Variants in B3GALT1 observed in about 807,000 individuals in gnomAD.
The protein encoded by B3GALT1 is beta-1,3-galactosyltransferase 1.
Under a neutral mutation model 23.2 loss-of-function variants are expected in B3GALT1, and 10 were observed. That is an observed-to-expected ratio of 0.43 (90% confidence interval 0.27 to 0.73). The LOEUF is 0.73. B3GALT1 is among the 30% of genes least tolerant of loss of function. B3GALT1 has a pLI of 0.21. For synonymous variants in B3GALT1, 156 were observed against 141.5 expected, an observed-to-expected ratio of 1.10 and a Z score of -0.73; for missense variants, 299 against 405.4, an observed-to-expected ratio of 0.74 and a Z score of 2.25.
At position 167,351,955 on chromosome 2, in the gene B3GALT1, ATTTTTTTTT is replaced by A. The variant is rs71031283; in HGVS notation, c.-511+58636_-511+58644del. Among the ~76,000 whole-genome samples the A allele has an allele frequency of 9.4e-3, 1,265 of 134,236 alleles. 14 individuals carry two copies. The highest frequency in any genetic ancestry group is 0.012 in the South Asian group (51 of 4,220). The allele number at this position is 134,236 out of a possible 152,430, so 88.1% of individuals were successfully genotyped here. On this transcript the variant is annotated intron_variant, in intron 1 of 4. Transcript: ENST00000392690. ...CTGTGAAAGGAGAAGGCTGTTTTTGATTTTTTTTTTTTTTTTTTTTTTTGAGTCAGAGTC... is the reference window on the plus strand; with the variant it reads ...CTGTGAAAGGAGAAGGCTGTTTTTGATTTTTTTTTTTTTTGAGTCAGAGTC...
intron 1 of B3GALT1, among the ~76,000 whole-genome samples, chr2:167,482,838 T>C (rs1699577822): frequency 6.6e-6 from 1 of 150,958 alleles, no homozygotes; most frequent in South Asian, 2.1e-4. Flanking sequence ...AGACCCTGTC[T>C]CAAAAAAGAA....
intron 3 of B3GALT1, among the ~76,000 whole-genome samples, chr2:167,791,598 G>A (rs1688438882): frequency 6.6e-6 from 1 of 151,492 alleles, no homozygotes; most frequent in South Asian, 2.1e-4. Flanking sequence ...ACAGTCATTT[G>A]ATCAGACCTT....
At chr2:167,580,722 A>G (rs1684469692) in intron 2 of B3GALT1, among the ~76,000 whole-genome samples, 2 of 152,184 alleles carry the variant, frequency 1.3e-5, no homozygotes, top group Non-Finnish European at 2.9e-5. Context: ...TCCAGGATGA[A>G]GGAAGGTGGG....
At chr2:167,346,292 A>G (rs1697220730) in intron 1 of B3GALT1, among the ~76,000 whole-genome samples, 1 of 152,084 alleles carries the variant, frequency 6.6e-6, no homozygotes, top group South Asian at 2.1e-4. Flanking sequence ...CTCAGAAAAC[A>G]AGTACTGGCT....
At chr2:167,314,378 A>G (rs1322673116) in intron 1 of B3GALT1, among the ~76,000 whole-genome samples, 2 of 152,168 alleles carry the variant, frequency 1.3e-5, no homozygotes, top group African/African-American at 4.8e-5. Context: ...TTACTTGTAT[A>G]ACATTATAAG....
chr2:167,419,112 A>G (rs1233665462), intron 1 of B3GALT1, among the ~76,000 whole-genome samples: 2 of 152,246 alleles, frequency 1.3e-5, no homozygotes, highest in African/African-American at 2.4e-5. Context: ...CATTGAAATT[A>G]AAAACAGTTT....
intron 3 of B3GALT1, among the ~76,000 whole-genome samples, chr2:167,776,954 G>A (rs1483353871): frequency 6.6e-6 from 1 of 152,022 alleles, no homozygotes; most frequent in Non-Finnish European, 1.5e-5. Flanking sequence ...TGTGTACACA[G>A]GCTAAGGTTT....
chr2:167,575,735 G>A lies in B3GALT1; in HGVS notation c.-409-71174G>A, dbSNP rs541536498. 8.6e-5 allele frequency among the ~76,000 whole-genome samples: 13 copies of A among 151,916 alleles called. No homozygotes were observed. The South Asian group carries it at 2.3e-3, about 27-fold the overall frequency. ...AATTGAAGTTTTACGTAGGCAATCT[G>A]TAGGCTTACTCAGTTATTTCACTCT... On this transcript the variant is annotated intron_variant, in intron 2 of 4. Transcript: ENST00000392690.
chr2:167,657,614 C>T (rs1327714580), intron 3 of B3GALT1, among the ~76,000 whole-genome samples: 2 of 152,078 alleles, frequency 1.3e-5, no homozygotes, highest in Non-Finnish European at 2.9e-5. Context: ...TAATTATTCA[C>T]TTACCAAGAC....
At position 167,512,682 on chromosome 2, in the gene B3GALT1, G is replaced by A. The variant is rs912633123; in HGVS notation, c.-410+22405G>A. Among the ~76,000 whole-genome samples the A allele has an allele frequency of 5.6e-5, 8 of 143,492 alleles. 1 individual carries two copies. The Admixed American group carries it at 5.7e-4, about 10-fold the overall frequency. The allele number at this position is 143,492 out of a possible 152,430, so 94.1% of individuals were successfully genotyped here. ...GATAGGGTCTCATTCAGTTGCCCAG[G>A]TTGGAGTGCAGTGATGCCATCTTGG... On this transcript the variant is annotated intron_variant, in intron 2 of 4. Coordinates refer to ENST00000392690, the MANE Select transcript of B3GALT1 (RefSeq NM_020981.4).
At chr2:167,835,484 G>C (rs1025540233) in intron 4 of B3GALT1, among the ~76,000 whole-genome samples, 7 of 152,248 alleles carry the variant, frequency 4.6e-5, no homozygotes, top group Non-Finnish European at 8.8e-5. Context: ...TGGGGGAGGG[G>C]CACCCACCAT....
intron 2 of B3GALT1, among the ~76,000 whole-genome samples, chr2:167,546,250 G>C (rs1439515056): frequency 6.6e-6 from 1 of 152,170 alleles, no homozygotes; most frequent in Non-Finnish European, 1.5e-5. Context: ...CCCTCTCTCA[G>C]CTATGATATA....
In B3GALT1 at chr2:167,356,234, A is replaced by T. The variant is rs551040366; in HGVS notation, c.-511+62900A>T. Among the ~76,000 whole-genome samples the T allele has an allele frequency of 7.2e-5, 11 of 152,346 alleles. 1 individual carries two copies. In the South Asian group the frequency reaches 2.3e-3, roughly 32 times the overall value. On this transcript the variant is annotated intron_variant, in intron 1 of 4. Coordinates refer to ENST00000392690, the MANE Select transcript of B3GALT1 (RefSeq NM_020981.4). ...GATGTCTGAAATGGAGATATTTTGC[A>T]TGTATCTCAGCAACTAAACTTTATA...
intron 2 of B3GALT1, among the ~76,000 whole-genome samples, chr2:167,545,564 C>T (rs1683622510): frequency 6.6e-6 from 1 of 152,142 alleles, no homozygotes; most frequent in Non-Finnish European, 1.5e-5. Context: ...TTAGGGAAGT[C>T]CCTATTGTCC....
intron 1 of B3GALT1, among the ~76,000 whole-genome samples, chr2:167,448,122 C>T (rs894373283): frequency 6.6e-6 from 1 of 152,092 alleles, no homozygotes; most frequent in Non-Finnish European, 1.5e-5. Context: ...TGACTTCTTT[C>T]CTCTGGGTAG....
chr2:167,378,018 G>T (rs78450839), intron 1 of B3GALT1, among the ~76,000 whole-genome samples: 2 of 152,216 alleles, frequency 1.3e-5, no homozygotes, highest in South Asian at 4.1e-4. Flanking sequence ...CAGTATGTTG[G>T]TAATAAATAC....
chr2:167,796,818 C>A (rs13406138), intron 3 of B3GALT1, among the ~76,000 whole-genome samples: 1 of 152,018 alleles, frequency 6.6e-6, no homozygotes, highest in African/African-American at 2.4e-5. Flanking sequence ...AATATTTTAT[C>A]TTTTAAAAAT....
intron 1 of B3GALT1, among the ~76,000 whole-genome samples, chr2:167,299,667 G>A (rs1353560595): frequency 6.6e-6 from 1 of 151,766 alleles, no homozygotes; most frequent in Non-Finnish European, 1.5e-5. Flanking sequence ...TATTATTTTG[G>A]CCTAATTTCC....
rs184964417 is a variant in B3GALT1 at position 167,663,503 on chromosome 2, A to G, written c.-352+16537A>G. Among the ~76,000 whole-genome samples the G allele has an allele frequency of 9.9e-4, 150 of 152,114 alleles. 1 individual carries two copies. Among genetic ancestry groups the G allele is most frequent in the Non-Finnish European group, 1.2e-3 (85 of 68,014 alleles). On this transcript the variant is annotated intron_variant, in intron 3 of 4. Coordinates refer to ENST00000392690, the MANE Select transcript of B3GALT1 (RefSeq NM_020981.4). Reference sequence around the variant, plus strand: ...TAATGGGGTGGCTGGGTCAAATGGTATTTCTAGTTCTAGATCCCTGAGGAA... The same window carrying G: ...TAATGGGGTGGCTGGGTCAAATGGTGTTTCTAGTTCTAGATCCCTGAGGAA...
Sources: gnomAD v4.1 joint callset for allele counts (sites outside exome capture counted in the v4.1 genomes callset) on GRCh38, gnomAD v4.1.1 for gene constraint, MANE v1.5 for transcripts, NCBI Gene and HGNC (gene_info 2026-07-23, HGNC 2026-07-21) for gene names.